Variants in MAOB observed in about 807,000 individuals in gnomAD.
The protein encoded by MAOB is amine oxidase [flavin-containing] B.
In MAOB, 15 loss-of-function variants were observed where a neutral mutation model predicts 41.9. The ratio of observed to expected loss-of-function variants is 0.36; its 90% CI spans 0.24 to 0.55. The LOEUF is 0.55. MAOB is among the 20% of genes least tolerant of loss of function. MAOB has a pLI of 0.86. For synonymous variants in MAOB, 167 were observed against 144.2 expected, an observed-to-expected ratio of 1.16 and a Z score of -1.13; for missense variants, 345 against 398.7, an observed-to-expected ratio of 0.87 and a Z score of 1.15.
chrX:43,805,104 A>C (rs1452463537), intron 3 of MAOB, among the ~76,000 whole-genome samples: 1 of 111,757 alleles, frequency 8.9e-6, no homozygotes, highest in Non-Finnish European at 1.9e-5. Flanking sequence ...TACCCTGTGG[A>C]ATGGCTAAAT....
At chrX:43,882,133 G>T in intron 1 of MAOB, 121 bp downstream of exon 1, 2 of 1,102,335 alleles carry the variant, frequency 1.8e-6, no homozygotes, top group Non-Finnish European at 2.4e-6. Flanking sequence ...CCCTGCCCGT[G>T]CGTGGACAGT....
At chrX:43,833,688 C>T (rs777074708) in intron 3 of MAOB, among the ~76,000 whole-genome samples, 1 of 111,572 alleles carries the variant, frequency 9.0e-6, no homozygotes, top group East Asian at 2.8e-4. Flanking sequence ...CCTCCACTCC[C>T]AGCAAAATTT....
chrX:43,815,757 T>C (rs1051074127), intron 3 of MAOB, among the ~76,000 whole-genome samples: 4 of 112,075 alleles, frequency 3.6e-5, no homozygotes, highest in Non-Finnish European at 7.5e-5. Context: ...AACTCTCATA[T>C]CTTGCTAATG....
At chrX:43,810,184 A>G (rs2034727500) in intron 3 of MAOB, among the ~76,000 whole-genome samples, 1 of 85,666 alleles carries the variant, frequency 1.2e-5, no homozygotes, top group Non-Finnish European at 2.1e-5. Context: ...CGGAGCTTGC[A>G]GTGAGCCGAG....
chrX:43,797,107 G>T lies in MAOB; in HGVS notation c.618+18C>A. 8.4e-7 allele frequency: 1 copy of T among 1,195,937 alleles called. No homozygotes were observed. Among genetic ancestry groups the T allele is most frequent in the Non-Finnish European group, 1.1e-6 (1 of 886,676 alleles). ...AGCAGTGTTTTTCCATTGGGACTGTGGAAGAATGGATGGGTACCTGTCCTC... is the reference window on the plus strand; with the variant it reads ...AGCAGTGTTTTTCCATTGGGACTGTTGAAGAATGGATGGGTACCTGTCCTC... On this transcript the variant is annotated intron_variant, in intron 6 of 14. Coordinates refer to ENST00000378069, the MANE Select transcript of MAOB (RefSeq NM_000898.5).
intron 2 of MAOB, among the ~76,000 whole-genome samples, chrX:43,839,552 AG>A (rs1309217563): frequency 8.9e-6 from 1 of 112,101 alleles, no homozygotes. Flanking sequence ...AAAAATTAGT[AG>A]AAAAGTTTCC....
intron 2 of MAOB, among the ~76,000 whole-genome samples, chrX:43,842,045 G>A (rs766979265): frequency 1.8e-5 from 2 of 111,493 alleles, no homozygotes; most frequent in African/African-American, 6.5e-5. Context: ...TGAAAGATCA[G>A]GAAAAAAAGC....
rs139823102 is a variant in MAOB at position 43,873,275 on chromosome X, C to T, written c.46+8979G>A. ...TGGGATCACAGCAATAAAAAGTAGC[C>T]CAACTTCAAAATATGAAGTAAGGAT... On this transcript the variant is annotated intron_variant, in intron 1 of 14. Coordinates refer to ENST00000378069, the MANE Select transcript of MAOB (RefSeq NM_000898.5). 3.4e-3 allele frequency among the ~76,000 whole-genome samples: 382 copies of T among 111,177 alleles called. 1 individual carries two copies. The highest frequency in any genetic ancestry group is 6.1e-3 in the Non-Finnish European group (322 of 52,972).
intron 1 of MAOB, among the ~76,000 whole-genome samples, chrX:43,868,523 C>T (rs1428242107): frequency 9.0e-6 from 1 of 111,374 alleles, no homozygotes; most frequent in African/African-American, 3.3e-5. Context: ...GGATGTTCTG[C>T]CTTTTATCAA....
intron 9 of MAOB, 43 bp downstream of exon 9, chrX:43,781,405 G>A: frequency 1.2e-6 from 1 of 833,625 alleles, no homozygotes; most frequent in South Asian, 3.1e-5. Context: ...TGATTATCTT[G>A]TCAACACTGA....
chrX:43,793,944 T>C (rs1456565039), intron 7 of MAOB, among the ~76,000 whole-genome samples: 2 of 111,814 alleles, frequency 1.8e-5, no homozygotes, highest in Non-Finnish European at 3.8e-5. Flanking sequence ...GGTGCGATCT[T>C]GGCTCACTGC....
intron 8 of MAOB, among the ~76,000 whole-genome samples, chrX:43,788,348 A>G (rs1285382370): frequency 8.9e-6 from 1 of 111,789 alleles, no homozygotes; most frequent in Non-Finnish European, 1.9e-5. Context: ...ACTGGGGATC[A>G]AATTTCAACA....
chrX:43,809,737 C>T (rs989904905), intron 3 of MAOB, among the ~76,000 whole-genome samples: 8 of 112,017 alleles, frequency 7.1e-5, no homozygotes, highest in Non-Finnish European at 1.3e-4. Flanking sequence ...GCTTGTTCTT[C>T]TGAAGAAATC....
chrX:43,807,041 T>C (rs1386583086), intron 3 of MAOB, among the ~76,000 whole-genome samples: 5 of 111,537 alleles, frequency 4.5e-5, no homozygotes, highest in Non-Finnish European at 9.4e-5. Context: ...ATCAAGAGAG[T>C]GGTATTTAGA....
Position 43,767,544 on chromosome X carries a change from C to A in MAOB, c.1485G>T (p.Leu495=). The part of the protein sequence containing the change: ...HLPSVPGLLR[L]IGLTTIFSAT... ...CTGAAAAGATGGTGGTCAATCCAATCAGCCTGAGCAGGCCTGGCACGGAGG... is the reference window on the plus strand; with the variant it reads ...CTGAAAAGATGGTGGTCAATCCAATAAGCCTGAGCAGGCCTGGCACGGAGG... Residue 495 remains leucine, a synonymous_variant, in exon 15 of 15, where the codon CTG becomes CTT. Transcript: ENST00000378069. 8.3e-7 allele frequency: 1 copy of A among 1,210,477 alleles called. No homozygotes were observed. Among genetic ancestry groups the A allele is most frequent in the Non-Finnish European group, 1.1e-6 (1 of 894,753 alleles).
At chrX:43,877,617 T>G (rs1439687581) in intron 1 of MAOB, among the ~76,000 whole-genome samples, 1 of 112,145 alleles carries the variant, frequency 8.9e-6, no homozygotes, top group Non-Finnish European at 1.9e-5. Context: ...TGCATTTATC[T>G]TCTATTGTAG....
intron 3 of MAOB, among the ~76,000 whole-genome samples, chrX:43,826,823 C>T (rs948823813): frequency 9.0e-6 from 1 of 111,500 alleles, no homozygotes; most frequent in Non-Finnish European, 1.9e-5. Flanking sequence ...AGAGCAGAGC[C>T]CTTATTACCT....
At chrX:43,768,818 A>G in intron 13 of MAOB, 102 bp from the exon 14 acceptor site, 1 of 711,986 alleles carries the variant, frequency 1.4e-6, no homozygotes, top group Non-Finnish European at 2.2e-6. Flanking sequence ...ATATCCATCA[A>G]AAACACCAAG....
chrX:43,776,682 C>T (rs2034261790), intron 11 of MAOB, among the ~76,000 whole-genome samples: 2 of 110,107 alleles, frequency 1.8e-5, no homozygotes, highest in South Asian at 8.0e-4. Flanking sequence ...CATATGTATA[C>T]ATGTGCCATG....
Sources: allele counts gnomAD v4.1 joint callset (sites outside exome capture counted in the v4.1 genomes callset), GRCh38; gene constraint gnomAD v4.1.1; transcripts MANE v1.5; gene names NCBI Gene and HGNC (gene_info 2026-07-23, HGNC 2026-07-21).